The following GNAO1 variants were observed in gnomAD, a reference collection of about 807,000 sequenced individuals.
GNAO1 encodes the protein guanine nucleotide-binding protein G(o) subunit alpha.
For missense variants in GNAO1, 166 were observed against 478.7 expected, an observed-to-expected ratio of 0.35 and a Z score of 6.10; for synonymous variants, 164 against 180.7, an observed-to-expected ratio of 0.91 and a Z score of 0.74.
chr16:56,340,036 T>C (rs1261605810), intron 6 of GNAO1, among the ~76,000 whole-genome samples: 2 of 152,238 alleles, frequency 1.3e-5, no homozygotes, highest in Admixed American at 1.3e-4. Context: ...CCATGGCCCC[T>C]GTGAGCCCGC....
At chr16:56,257,823 G>T (rs560652338) in intron 2 of GNAO1, among the ~76,000 whole-genome samples, 1 of 152,338 alleles carries the variant, frequency 6.6e-6, no homozygotes, top group African/African-American at 2.4e-5. Flanking sequence ...AGGGCCAGCA[G>T]GCTGGTAGAC....
intron 3 of GNAO1, among the ~76,000 whole-genome samples, chr16:56,318,201 G>T (rs2037532441): frequency 6.6e-6 from 1 of 152,212 alleles, no homozygotes; most frequent in Non-Finnish European, 1.5e-5. Flanking sequence ...AGGGGCGGGG[G>T]GCTCTCTCCT....
intron 2 of GNAO1, among the ~76,000 whole-genome samples, chr16:56,274,107 T>C (rs1240218638): frequency 6.6e-6 from 1 of 152,208 alleles, no homozygotes; most frequent in African/African-American, 2.4e-5. Flanking sequence ...CTCAGTGAAA[T>C]GGCTGTGTTC....
chr16:56,315,989 G>A (rs1226990660), intron 3 of GNAO1, among the ~76,000 whole-genome samples: 1 of 151,974 alleles, frequency 6.6e-6, no homozygotes, highest in Non-Finnish European at 1.5e-5. Flanking sequence ...AACCCGGGAG[G>A]CGGAGGTTGC....
chr16:56,231,762 A>C (rs2036590482), intron 2 of GNAO1, among the ~76,000 whole-genome samples: 1 of 152,202 alleles, frequency 6.6e-6, no homozygotes, highest in African/African-American at 2.4e-5. Flanking sequence ...CTGGCACCTG[A>C]AGTCAGGGGT....
intron 6 of GNAO1, chr16:56,344,339 G>A: frequency 3.8e-6 from 4 of 1,066,070 alleles, no homozygotes; most frequent in Non-Finnish European, 4.6e-6. Flanking sequence ...AGATGGCCCT[G>A]CAGCAGGGTG....
intron 6 of GNAO1, chr16:56,339,823 C>A (rs2037782752): frequency 6.6e-6 from 1 of 152,506 alleles, no homozygotes; most frequent in African/African-American, 2.4e-5. Context: ...ACCCTCCAAG[C>A]CCGGAAGGTA....
At chr16:56,213,266 C>G in intron 2 of GNAO1, 1 of 398,174 alleles carries the variant, frequency 2.5e-6, no homozygotes, top group Non-Finnish European at 4.4e-6. Context: ...TTTTCCCACT[C>G]TGCAGATATC....
chr16:56,348,595 T>C (rs2037894681), intron 6 of GNAO1, among the ~76,000 whole-genome samples: 1 of 152,216 alleles, frequency 6.6e-6, no homozygotes, highest in African/African-American at 2.4e-5. Flanking sequence ...CTTCTTTCTC[T>C]TTTCTCAAAT....
At chr16:56,257,112 T>G (rs2036858544) in intron 2 of GNAO1, among the ~76,000 whole-genome samples, 1 of 152,004 alleles carries the variant, frequency 6.6e-6, no homozygotes, top group African/African-American at 2.4e-5. Context: ...TCAAATGTCA[T>G]GCCCAGTCTT....
intron 6 of GNAO1, among the ~76,000 whole-genome samples, chr16:56,339,275 C>G (rs1434168618): frequency 6.6e-6 from 1 of 152,264 alleles, no homozygotes; most frequent in Non-Finnish European, 1.5e-5. Flanking sequence ...GGGCAACCGC[C>G]CCACCCTGCC....
intron 2 of GNAO1, among the ~76,000 whole-genome samples, chr16:56,248,253 G>T (rs1373524605): frequency 6.6e-6 from 1 of 152,148 alleles, no homozygotes; most frequent in Non-Finnish European, 1.5e-5. Context: ...GTTTTCCAGT[G>T]CTACCTTCCA....
At chr16:56,270,650 TTAG>T (rs1329621716) in intron 2 of GNAO1, 2 of 152,144 alleles carry the variant, frequency 1.3e-5, no homozygotes, top group African/African-American at 4.8e-5. Context: ...AAATTAAAAA[TTAG>T]TAAACAAGTC....
intron 2 of GNAO1, among the ~76,000 whole-genome samples, chr16:56,229,244 A>T (rs2036564238): frequency 6.6e-6 from 1 of 152,126 alleles, no homozygotes; most frequent in African/African-American, 2.4e-5. Context: ...TTACTCTGTC[A>T]CCCAGGCTGG....
intron 2 of GNAO1, among the ~76,000 whole-genome samples, chr16:56,251,446 AAAC>A (rs1567455281): frequency 6.6e-6 from 1 of 152,276 alleles, no homozygotes; most frequent in Non-Finnish European, 1.5e-5. Flanking sequence ...ATGGTAAAAT[AAAC>A]AACATCATTA....
In GNAO1 at chr16:56,322,789, C is replaced by T. The variant is rs1039665413; in HGVS notation, c.304-5842C>T. 9.9e-5 allele frequency among the ~76,000 whole-genome samples: 15 copies of T among 152,110 alleles called. No individual in the cohort carries two copies. In the East Asian group the frequency reaches 1.5e-3, roughly 16 times the overall value. On this transcript the variant is annotated intron_variant, in intron 3 of 8. Coordinates refer to ENST00000262493, the MANE Select transcript of GNAO1 (RefSeq NM_020988.3). ...TCGCCTAAGCAGGATACCCACCTGCCGTAATCATTAAATGAGACACAAACT... is the reference window on the plus strand; with the variant it reads ...TCGCCTAAGCAGGATACCCACCTGCTGTAATCATTAAATGAGACACAAACT...
intron 2 of GNAO1, among the ~76,000 whole-genome samples, chr16:56,255,830 A>G (rs1255415493): frequency 6.6e-6 from 1 of 152,058 alleles, no homozygotes; most frequent in Non-Finnish European, 1.5e-5. Flanking sequence ...ATATATCTAT[A>G]TTTTTACTGT....
intron 2 of GNAO1, among the ~76,000 whole-genome samples, chr16:56,269,648 T>TGGA (rs2036995329): frequency 6.6e-6 from 1 of 152,074 alleles, no homozygotes; most frequent in Non-Finnish European, 1.5e-5. Context: ...GGGATTGTGA[T>TGGA]GGAGGAGGAG....
intron 2 of GNAO1, chr16:56,193,993 G>A (rs778116156): frequency 2.5e-6 from 1 of 400,106 alleles, no homozygotes; most frequent in Middle Eastern, 3.6e-4. Flanking sequence ...TCGTGGGAAG[G>A]TGGGAGTGGG....
Sources: allele counts gnomAD v4.1 joint callset (sites outside exome capture counted in the v4.1 genomes callset), GRCh38; gene constraint gnomAD v4.1.1; transcripts MANE v1.5; gene names NCBI Gene and HGNC (gene_info 2026-07-23, HGNC 2026-07-21).